ANO10: variants seen among roughly 807,000 people sequenced by gnomAD.
ANO10 encodes anoctamin 10.
Under a neutral mutation model 74.7 loss-of-function variants are expected in ANO10, and 77 were observed. The observed-to-expected ratio is 1.03, with a 90% CI of 0.86 to 1.25. ANO10 has a LOEUF of 1.25. ANO10 is among the 50% of genes most tolerant of loss of function. The probability of loss-of-function intolerance (pLI) is 0.00; values close to 1 mark genes in which losing one functional copy is unlikely to be tolerated. For synonymous variants in ANO10, 279 were observed against 284.9 expected, an observed-to-expected ratio of 0.98 and a Z score of 0.21; for missense variants, 721 against 778.1, an observed-to-expected ratio of 0.93 and a Z score of 0.87.
chr3:43,448,457 T>C (rs573518015), intron 11 of ANO10, among the ~76,000 whole-genome samples: 1 of 152,364 alleles, frequency 6.6e-6, no homozygotes, highest in South Asian at 2.1e-4. Context: ...TATAGCCTTT[T>C]CAGACTGACT....
At chr3:43,567,451 TA>T (rs1346204797) in intron 7 of ANO10, among the ~76,000 whole-genome samples, 1 of 151,964 alleles carries the variant, frequency 6.6e-6, no homozygotes. Context: ...GGGTTACCCT[TA>T]AAGGGAAGCC....
intron 5 of ANO10, among the ~76,000 whole-genome samples, chr3:43,578,838 A>C (rs1327664939): frequency 6.8e-6 from 1 of 148,022 alleles, no homozygotes; most frequent in Non-Finnish European, 1.5e-5. Context: ...ATTTCCTGCC[A>C]CTTAAATGCC....
chr3:43,578,079 T>C (rs181898032), intron 5 of ANO10, among the ~76,000 whole-genome samples: 12 of 152,246 alleles, frequency 7.9e-5, no homozygotes, highest in African/African-American at 2.4e-4. Flanking sequence ...TATTTCTTAG[T>C]TAATAATACA....
intron 12 of ANO10, among the ~76,000 whole-genome samples, chr3:43,403,207 G>A (rs1038430408): frequency 6.6e-6 from 1 of 152,324 alleles, no homozygotes; most frequent in East Asian, 1.9e-4. Context: ...ATGCCCAGAG[G>A]CACCCCTGGG....
At chr3:43,506,303 T>C (rs139603658) in intron 11 of ANO10, among the ~76,000 whole-genome samples, 26 of 152,276 alleles carry the variant, frequency 1.7e-4, no homozygotes, top group Non-Finnish European at 2.5e-4. Context: ...TTATTTTGCA[T>C]TGAAAATCTA....
chr3:43,410,252 A>G (rs1237516935), intron 12 of ANO10, among the ~76,000 whole-genome samples: 1 of 151,844 alleles, frequency 6.6e-6, no homozygotes, highest in African/African-American at 2.4e-5. Context: ...GATTTTATTT[A>G]TTTTATTTAT....
At chr3:43,652,216 AG>A (rs1400383505) in intron 1 of ANO10, among the ~76,000 whole-genome samples, 5 of 152,090 alleles carry the variant, frequency 3.3e-5, no homozygotes, top group Non-Finnish European at 1.5e-5. Flanking sequence ...GAACAAAGGT[AG>A]GGGGCTTACA....
intron 11 of ANO10, among the ~76,000 whole-genome samples, chr3:43,438,354 G>C (rs150583174): frequency 1.9e-4 from 29 of 152,110 alleles, no homozygotes; most frequent in African/African-American, 6.3e-4. Context: ...TGAGGCTGTA[G>C]GATTGCTTGA....
intron 11 of ANO10, among the ~76,000 whole-genome samples, chr3:43,472,835 G>A (rs975524851): frequency 2.0e-5 from 3 of 152,186 alleles, no homozygotes; most frequent in Non-Finnish European, 4.4e-5. Flanking sequence ...GGAGATGTAT[G>A]CTGAAATATT....
intron 12 of ANO10, among the ~76,000 whole-genome samples, chr3:43,418,322 A>T (rs1309694883): frequency 6.6e-6 from 1 of 152,132 alleles, no homozygotes; most frequent in African/African-American, 2.4e-5. Flanking sequence ...TGGAAGGAAA[A>T]CTTAGCCAAA....
At chr3:43,501,112 A>AT (rs1362226429) in intron 11 of ANO10, among the ~76,000 whole-genome samples, 5 of 152,120 alleles carry the variant, frequency 3.3e-5, no homozygotes, top group African/African-American at 1.2e-4. Context: ...TTGTCTCATG[A>AT]TTTTTCAGGC....
At chr3:43,380,176 T>C (rs1054196677) in intron 12 of ANO10, among the ~76,000 whole-genome samples, 2 of 150,278 alleles carry the variant, frequency 1.3e-5, no homozygotes, top group East Asian at 1.9e-4. Flanking sequence ...TCCGAGAAGT[T>C]TGGGATTATG....
At chr3:43,476,914 G>A (rs947370356) in intron 11 of ANO10, among the ~76,000 whole-genome samples, 2 of 151,696 alleles carry the variant, frequency 1.3e-5, no homozygotes, top group Non-Finnish European at 2.9e-5. Context: ...TAATTTCCCT[G>A]TACTATTCAA....
chr3:43,535,301 A>G (rs1296044758), intron 11 of ANO10, among the ~76,000 whole-genome samples: 2 of 129,244 alleles, frequency 1.5e-5, no homozygotes, highest in Admixed American at 8.8e-5. Flanking sequence ...AGGGGGGAAG[A>G]GGTCTCGCTC....
intron 8 of ANO10, among the ~76,000 whole-genome samples, chr3:43,562,089 G>A (rs1322481770): frequency 6.6e-6 from 1 of 152,062 alleles, no homozygotes; most frequent in South Asian, 2.1e-4. Context: ...TGTATATTGA[G>A]GCAGGGTGCA....
At chr3:43,658,907 C>G (rs1365721215) in intron 1 of ANO10, among the ~76,000 whole-genome samples, 1 of 151,976 alleles carries the variant, frequency 6.6e-6, no homozygotes, top group Non-Finnish European at 1.5e-5. Flanking sequence ...CTTTGGGGTG[C>G]TGGAATAGTC....
chr3:43,504,301 T>TAGATAGAC (rs1553692124), intron 11 of ANO10, among the ~76,000 whole-genome samples: 664 of 26,404 alleles, frequency 0.025, 6 homozygotes, highest in African/African-American at 0.066. Flanking sequence ...GGTAGGTAGG[T>TAGATAGAC]AGATAGATAG....
intron 1 of ANO10, among the ~76,000 whole-genome samples, chr3:43,627,335 C>T (rs2083502236): frequency 6.6e-6 from 1 of 152,242 alleles, no homozygotes; most frequent in Non-Finnish European, 1.5e-5. Flanking sequence ...GGCTGGACAT[C>T]TTGGAGTGAA....
chr3:43,455,295 T>C (rs1323459595), intron 11 of ANO10, among the ~76,000 whole-genome samples: 2 of 151,866 alleles, frequency 1.3e-5, no homozygotes, highest in Non-Finnish European at 2.9e-5. Flanking sequence ...CCAAGCAGCA[T>C]TGAGGGCTAT....
Sources: allele counts gnomAD v4.1 joint callset (sites outside exome capture counted in the v4.1 genomes callset), GRCh38; gene constraint gnomAD v4.1.1; transcripts MANE v1.5; gene names NCBI Gene and HGNC (gene_info 2026-07-23, HGNC 2026-07-21).